Variants in CHRM2 observed in about 807,000 individuals in gnomAD.
CHRM2 encodes muscarinic acetylcholine receptor M2.
In CHRM2, 8 loss-of-function variants were observed where a neutral mutation model predicts 25.0. The ratio of observed to expected loss-of-function variants is 0.32; its 90% confidence interval spans 0.19 to 0.58. The LOEUF is 0.58. Ranked by LOEUF, CHRM2 falls within the 20% of genes least tolerant of loss-of-function variation. The pLI, the probability that CHRM2 is intolerant of heterozygous loss-of-function variation, is 0.88. For missense variants in CHRM2, 440 were observed against 567.1 expected, an observed-to-expected ratio of 0.78 and a Z score of 2.28; for synonymous variants, 202 against 205.7, an observed-to-expected ratio of 0.98 and a Z score of 0.15.
intron 2 of CHRM2, among the ~76,000 whole-genome samples, chr7:136,967,952 T>C (rs1052110861): frequency 2.6e-5 from 4 of 151,982 alleles, no homozygotes; most frequent in African/African-American, 4.8e-5. Flanking sequence ...TCATTCACAC[T>C]TCATACACAA....
chr7:137,003,609 C>G (rs568424658), intron 3 of CHRM2, among the ~76,000 whole-genome samples: 242 of 151,994 alleles, frequency 1.6e-3, no homozygotes, highest in Middle Eastern at 3.4e-3. Flanking sequence ...TTGGGGTATT[C>G]TGGGGTTAGT....
chr7:136,925,034 T>G (rs17496997), intron 2 of CHRM2, among the ~76,000 whole-genome samples: 36,370 of 152,164 alleles, frequency 0.24, 5,719 homozygotes, highest in Non-Finnish European at 0.35. Flanking sequence ...TGTGGTGCTA[T>G]AGAAGATAAA....
intron 2 of CHRM2, among the ~76,000 whole-genome samples, chr7:136,974,436 T>C (rs1012467558): frequency 1.3e-5 from 2 of 152,056 alleles, no homozygotes; most frequent in Non-Finnish European, 2.9e-5. Flanking sequence ...TTGGAGGAAA[T>C]AGCATCTAAG....
At chr7:136,971,637 A>G (rs1801780948) in intron 2 of CHRM2, among the ~76,000 whole-genome samples, 1 of 147,026 alleles carries the variant, frequency 6.8e-6, no homozygotes, top group Admixed American at 6.8e-5. Flanking sequence ...AAAAAAAAAA[A>G]GACTTGCTGG....
chr7:136,920,113 C>T (rs908538334), intron 2 of CHRM2, among the ~76,000 whole-genome samples: 1 of 152,036 alleles, frequency 6.6e-6, no homozygotes, highest in Admixed American at 6.6e-5. Context: ...GACATTTCAA[C>T]CTTAATGAAA....
At chr7:136,923,562 A>G (rs1798573893) in intron 2 of CHRM2, among the ~76,000 whole-genome samples, 1 of 152,174 alleles carries the variant, frequency 6.6e-6, no homozygotes, top group Non-Finnish European at 1.5e-5. Flanking sequence ...ACTTGACACA[A>G]AGAGACTTAC....
At chr7:136,937,989 A>C (rs1016550949) in intron 2 of CHRM2, among the ~76,000 whole-genome samples, 3 of 152,206 alleles carry the variant, frequency 2.0e-5, no homozygotes, top group Non-Finnish European at 4.4e-5. Context: ...CTTTGCTGAT[A>C]GCAAGCGCAA....
intron 3 of CHRM2, among the ~76,000 whole-genome samples, chr7:136,995,486 G>A (rs945454340): frequency 6.6e-6 from 1 of 152,156 alleles, no homozygotes; most frequent in African/African-American, 2.4e-5. Flanking sequence ...CAAGGGGCTG[G>A]GTGTGGTGGC....
intron 2 of CHRM2, among the ~76,000 whole-genome samples, chr7:136,906,121 A>G (rs1797527759): frequency 6.6e-6 from 1 of 150,666 alleles, no homozygotes; most frequent in South Asian, 2.1e-4. Context: ...GTGTGTGTAT[A>G]TATACACACG....
intron 2 of CHRM2, among the ~76,000 whole-genome samples, chr7:136,879,547 A>G (rs1316642085): frequency 1.3e-5 from 2 of 152,134 alleles, no homozygotes; most frequent in African/African-American, 4.8e-5. Flanking sequence ...TTCACAATTA[A>G]TTGAAATTTT....
chr7:136,882,581 GCTT>G (rs1796308165), intron 2 of CHRM2, among the ~76,000 whole-genome samples: 1 of 152,026 alleles, frequency 6.6e-6, no homozygotes, highest in Non-Finnish European at 1.5e-5. Flanking sequence ...ACCCCAATCT[GCTT>G]CTTCTGTTGG....
In CHRM2 at chr7:137,016,124, C is replaced by G. The variant is rs758947846; in HGVS notation, c.1259C>G (p.Thr420Ser). 4.3e-6 allele frequency: 7 copies of G among 1,612,840 alleles called. No homozygotes were observed. The highest frequency in any genetic ancestry group is 5.1e-6 in the Non-Finnish European group (6 of 1,179,202). The stretch of plus-strand genomic sequence containing the variant: ...TTTTGTGCACCTTGCATCCCCAACA[C>G]TGTGTGGACAATTGGTTACTGGCTT... Reference protein sequence around the residue: ...NTFCAPCIPNTVWTIGYWLCY... With the variant: ...NTFCAPCIPNSVWTIGYWLCY... Residue 420 changes from threonine to serine, a missense_variant, in exon 4 of 4, where the codon ACT becomes AGT. Coordinates refer to ENST00000680005, the MANE Select transcript of CHRM2 (RefSeq NM_001006630.2).
At chr7:136,971,758 G>A (rs769730392) in intron 2 of CHRM2, among the ~76,000 whole-genome samples, 1 of 152,062 alleles carries the variant, frequency 6.6e-6, no homozygotes, top group Non-Finnish European at 1.5e-5. Flanking sequence ...AAAGCACATG[G>A]TGATTCTGAT....
intron 2 of CHRM2, among the ~76,000 whole-genome samples, chr7:136,892,930 G>C (rs1012349527): frequency 6.6e-6 from 1 of 152,146 alleles, no homozygotes; most frequent in Non-Finnish European, 1.5e-5. Flanking sequence ...TGGGATTACA[G>C]GCATGAGCCA....
At chr7:136,893,316 G>A (rs1796768356) in intron 2 of CHRM2, among the ~76,000 whole-genome samples, 1 of 152,154 alleles carries the variant, frequency 6.6e-6, no homozygotes, top group South Asian at 2.1e-4. Context: ...GAGAGGGCAG[G>A]AAGTGTCACC....
At chr7:136,882,626 T>C (rs903727023) in intron 2 of CHRM2, among the ~76,000 whole-genome samples, 1 of 152,114 alleles carries the variant, frequency 6.6e-6, no homozygotes, top group Non-Finnish European at 1.5e-5. Flanking sequence ...CTTTCTGAAA[T>C]AGCTCAAAGA....
At chr7:136,949,458 C>CAAAAAAAAAAAAAAAAAAA (rs1800261967) in intron 2 of CHRM2, among the ~76,000 whole-genome samples, 2 of 30,818 alleles carry the variant, frequency 6.5e-5, no homozygotes, top group African/African-American at 2.1e-4. Context: ...CTCTGCAAAA[C>CAAAAAAAAAAAAAAAAAAA]TAAAAAAAAA....
intron 2 of CHRM2, among the ~76,000 whole-genome samples, chr7:136,946,835 C>T (rs1800100532): frequency 1.3e-5 from 2 of 152,158 alleles, no homozygotes; most frequent in East Asian, 3.9e-4. Context: ...AATTTTTCTC[C>T]AAGAAGGAAG....
In CHRM2 at chr7:136,938,915, C is replaced by CAAAAAA. The variant is rs56868385; in HGVS notation, c.-124-53229_-124-53224dup. Among the ~76,000 whole-genome samples the CAAAAAA allele has an allele frequency of 4.6e-4, 31 of 66,940 alleles. 3 individuals carry two copies. The highest frequency in any genetic ancestry group is 8.3e-4 in the Non-Finnish European group (29 of 35,076). The allele number at this position is 66,940 out of a possible 152,430, so 43.9% of individuals were successfully genotyped here. A position where few individuals can be genotyped will look rare whatever the true frequency, so the allele number is the denominator to read the frequency against. On this transcript the variant is annotated intron_variant, in intron 2 of 3. Coordinates refer to ENST00000680005, the MANE Select transcript of CHRM2 (RefSeq NM_001006630.2). ...AAAATAAAACTTCAGCTAGCTCTGC[C>CAAAAAA]AAAAAAAAAAAAAAAAAAAAAAAAA...
Sources: gnomAD v4.1 joint callset for allele counts (sites outside exome capture counted in the v4.1 genomes callset) on GRCh38, gnomAD v4.1.1 for gene constraint, MANE v1.5 for transcripts, NCBI Gene and HGNC (gene_info 2026-07-23, HGNC 2026-07-21) for gene names.